Variants in ACMSD observed in about 807,000 individuals in gnomAD.
The protein encoded by ACMSD is 2-amino-3-carboxymuconate-6-semialdehyde decarboxylase.
A neutral mutation model predicts 45.9 loss-of-function variants in ACMSD; 37 were observed. The ratio of observed to expected loss-of-function variants is 0.81; its 90% CI spans 0.62 to 1.06. ACMSD has a LOEUF of 1.06. Among genes scored for constraint, ACMSD ranks in the 50% least tolerant of loss-of-function variants. The pLI, the probability that ACMSD is intolerant of heterozygous loss-of-function variation, is 0.00. For synonymous variants in ACMSD, 138 were observed against 148.8 expected, an observed-to-expected ratio of 0.93 and a Z score of 0.53; for missense variants, 434 against 420.9, an observed-to-expected ratio of 1.03 and a Z score of -0.27.
At position 134,862,015 on chromosome 2, in the gene ACMSD, C is replaced by T; in HGVS notation, c.246C>T (p.Tyr82=). 1.2e-6 allele frequency: 2 copies of T among 1,614,144 alleles called. No homozygotes were observed. Among genetic ancestry groups the T allele is most frequent in the Non-Finnish European group, 8.5e-7 (1 of 1,180,016 alleles). The part of the protein sequence containing the change: ...ALSTVPVMFS[Y]WAKPEDTLNL... Reference sequence around the variant, plus strand: ...CCACAGTTCCTGTCATGTTTAGCTACTGGGTGAGTGTGAAACCTCAAGCCA... The same window carrying T: ...CCACAGTTCCTGTCATGTTTAGCTATTGGGTGAGTGTGAAACCTCAAGCCA... Residue 82 remains tyrosine (Y), a synonymous_variant, in exon 4 of 10, where the codon TAC becomes TAT. Transcript: ENST00000356140.
chr2:134,897,007 A>C (rs1489397924), intron 8 of ACMSD, among the ~76,000 whole-genome samples: 3 of 151,446 alleles, frequency 2.0e-5, no homozygotes, highest in African/African-American at 4.8e-5. Context: ...GGTGACAAAA[A>C]TCTGTGGTTA....
At chr2:134,863,678 G>A (rs772564533) in intron 5 of ACMSD, 47 bp downstream of exon 5, 2 of 1,597,346 alleles carry the variant, frequency 1.3e-6, no homozygotes, top group Non-Finnish European at 1.7e-6. Context: ...CAGTGCCTGG[G>A]CCGGGGGCAC....
intron 1 of ACMSD, among the ~76,000 whole-genome samples, chr2:134,840,179 AAAAAAAAAAAAAAAC>A (rs1161970170): frequency 7.7e-5 from 11 of 142,274 alleles, no homozygotes; most frequent in Admixed American, 3.6e-4. Flanking sequence ...AAAAAAAAAA[AAAAAAAAAAAAAAAC>A]CACTAATTCC....
chr2:134,866,770 T>G (rs575076963), intron 5 of ACMSD, among the ~76,000 whole-genome samples: 9 of 152,366 alleles, frequency 5.9e-5, no homozygotes, highest in African/African-American at 2.2e-4. Flanking sequence ...TTGAGGAGAC[T>G]TCTTTTAATT....
intron 8 of ACMSD, among the ~76,000 whole-genome samples, chr2:134,876,787 T>C (rs1056735176): frequency 6.6e-6 from 1 of 152,202 alleles, no homozygotes; most frequent in African/African-American, 2.4e-5. Context: ...ATCTGTGCTA[T>C]ACTTTTTTTT....
rs535952476 is a variant in ACMSD, at chr2:134,901,735, T to G, written c.949-63T>G. ...CTGATTTTTTTAAACCTGATCAATG[T>G]AGTACTTAAAAGTACTTAAAAAACA... On this transcript the variant is annotated intron_variant, in intron 9 of 9. Transcript: ENST00000356140. 4 of 1,228,630 alleles carry G rather than the reference T, an allele frequency of 3.3e-6. No homozygotes were observed. In the Admixed American group the frequency reaches 8.4e-5, roughly 26 times the overall value. 76.1% of individuals were successfully genotyped at this position (1,228,630 alleles called of 1,614,324 possible). A position where few individuals can be genotyped will look rare whatever the true frequency, so the allele number is the denominator to read the frequency against.
chr2:134,844,998 G>A (rs149030735), intron 1 of ACMSD, among the ~76,000 whole-genome samples: 3 of 152,172 alleles, frequency 2.0e-5, no homozygotes, highest in African/African-American at 4.8e-5. Flanking sequence ...TGCATTAGGG[G>A]AAAAGATAAA....
chr2:134,898,526 C>A, intron 9 of ACMSD, 87 bp downstream of exon 9: 1 of 794,258 alleles, frequency 1.3e-6, no homozygotes. Flanking sequence ...TATATAAAAA[C>A]AAAGAACAGA....
chr2:134,851,728 C>G (rs1687355334), intron 2 of ACMSD, among the ~76,000 whole-genome samples: 1 of 152,194 alleles, frequency 6.6e-6, no homozygotes, highest in African/African-American at 2.4e-5. Context: ...CAGGCGTGAG[C>G]CACCATGCCT....
At position 134,872,645 on chromosome 2, in the gene ACMSD, A is replaced by G; in HGVS notation, c.849+4A>G. On this transcript the variant is annotated splice_donor_region_variant and intron_variant, in intron 8 of 9. Coordinates refer to ENST00000356140, the MANE Select transcript of ACMSD (RefSeq NM_138326.3). ...GTTAACAGATGTCATAGGAAAGGTA[A>G]GCCCAGTCTGCCACTTGGATGGCTT... The G allele has an allele frequency of 6.2e-7, 1 of 1,614,182 alleles. No homozygotes were observed. The highest frequency in any genetic ancestry group is 1.7e-5 in the Admixed American group (1 of 60,016).
chr2:134,882,642 G>A (rs1348791), intron 8 of ACMSD, among the ~76,000 whole-genome samples: 2,896 of 152,220 alleles, frequency 0.019, 109 homozygotes, highest in East Asian at 0.14. Flanking sequence ...TATGTCTCAG[G>A]GAACAAACTA....
intron 9 of ACMSD, among the ~76,000 whole-genome samples, chr2:134,898,680 G>C (rs1026220086): frequency 6.6e-6 from 1 of 152,018 alleles, no homozygotes; most frequent in African/African-American, 2.4e-5. Flanking sequence ...TGTATAGAAG[G>C]ATATGACAAT....
At chr2:134,899,708 A>C (rs1690388479) in intron 9 of ACMSD, among the ~76,000 whole-genome samples, 1 of 152,166 alleles carries the variant, frequency 6.6e-6, no homozygotes, top group South Asian at 2.1e-4. Flanking sequence ...ATTCTGTACA[A>C]GGGTACTCAT....
At position 134,853,167 on chromosome 2, in the gene ACMSD, TAAAAAAA is replaced by T. The variant is rs201350282; in HGVS notation, c.103-6081_103-6075del. On this transcript the variant is annotated intron_variant, in intron 2 of 9. Transcript: ENST00000356140. ...AACAGAGCGAGACTCCATCTCAATCTAAAAAAAAAAAAAAAAAAAGGAAAGACAAGAA... is the reference window on the plus strand; with the variant it reads ...AACAGAGCGAGACTCCATCTCAATCTAAAAAAAAAAAAGGAAAGACAAGAA... 3.8e-5 allele frequency among the ~76,000 whole-genome samples: 4 copies of T among 106,560 alleles called. No individual in the cohort carries two copies. In the East Asian group the frequency reaches 9.9e-4, roughly 26 times the overall value. The allele number at this position is 106,560 out of a possible 152,430, so 69.9% of individuals were successfully genotyped here.
At chr2:134,894,554 A>G (rs957452447) in intron 8 of ACMSD, among the ~76,000 whole-genome samples, 16 of 152,158 alleles carry the variant, frequency 1.1e-4, no homozygotes. Flanking sequence ...AATTAAAACA[A>G]ATTCTTCACC....
At chr2:134,845,517 C>G (rs1017560391) in intron 2 of ACMSD, among the ~76,000 whole-genome samples, 2 of 139,402 alleles carry the variant, frequency 1.4e-5, no homozygotes, top group Non-Finnish European at 3.1e-5. Flanking sequence ...AGGTCTCTCT[C>G]TCTCTCTCTC....
intron 2 of ACMSD, among the ~76,000 whole-genome samples, chr2:134,849,973 C>T (rs1687254926): frequency 1.5e-5 from 2 of 134,438 alleles, no homozygotes; most frequent in Non-Finnish European, 3.1e-5. Flanking sequence ...AACACACACA[C>T]ACACACACAC....
At chr2:134,861,787 T>TA (rs11441014) in intron 3 of ACMSD, among the ~76,000 whole-genome samples, 182 bp from the exon 4 acceptor site, 32,396 of 151,914 alleles carry the variant, frequency 0.21, 3,967 homozygotes, top group Middle Eastern at 0.57. Context: ...AATCTTTACT[T>TA]ACTTCCCTAG....
At position 134,853,446 on chromosome 2, in the gene ACMSD, G is replaced by C. The variant is rs1687441457; in HGVS notation, c.103-5815G>C. 2.0e-5 allele frequency among the ~76,000 whole-genome samples: 3 copies of C among 151,988 alleles called. No individual in the cohort carries two copies. The South Asian group carries it at 6.2e-4, about 32-fold the overall frequency. ...AAAAAAAAAAACTTGATTTTCTTTT[G>C]AGAGTTTAGGAAAAAATGGGATTGG... On this transcript the variant is annotated intron_variant, in intron 2 of 9. Transcript: ENST00000356140.
Sources: gnomAD v4.1 joint callset for allele counts (sites outside exome capture counted in the v4.1 genomes callset) on GRCh38, gnomAD v4.1.1 for gene constraint, MANE v1.5 for transcripts, NCBI Gene and HGNC (gene_info 2026-07-23, HGNC 2026-07-21) for gene names.